The following DSP variants were observed in gnomAD, a reference collection of about 807,000 sequenced individuals.
DSP encodes the protein 250/210 kDa paraneoplastic pemphigus antigen.
A neutral mutation model predicts 290.6 loss-of-function variants in DSP; 114 were observed. The observed-to-expected ratio is 0.39, with a 90% CI of 0.34 to 0.46. The LOEUF (loss-of-function observed/expected upper bound fraction) is 0.46, where lower values mean the gene tolerates loss of function less well. Ranked by LOEUF, DSP falls within the 20% of genes least tolerant of loss-of-function variation. DSP has a pLI of 0.99. For missense variants in DSP, 3,230 were observed against 3,495.8 expected (o/e 0.92, Z 1.92); for synonymous variants, 1,311 against 1,316.4 (o/e 1.00, Z 0.09).
At position 7,575,442 on chromosome 6, in the gene DSP, C is replaced by A. The variant is rs746930044; in HGVS notation, c.2584C>A (p.Gln862Lys). 1 of 1,614,220 alleles carries A rather than the reference C, an allele frequency of 6.2e-7. No homozygotes were observed. The highest frequency in any genetic ancestry group is 8.5e-7 in the Non-Finnish European group (1 of 1,180,030). ...DLGKFGEKVT[Q>K]LTDRWQRIDK... Reference sequence around the variant, plus strand: ...GGGCAAGTTCGGTGAAAAAGTCACACAGCTGACAGACCGCTGGCAAAGGAT... The same window carrying A: ...GGGCAAGTTCGGTGAAAAAGTCACAAAGCTGACAGACCGCTGGCAAAGGAT... Residue 862 changes from glutamine (Q) to lysine (K), a missense_variant, in exon 18 of 24, where the codon CAG becomes AAG. Coordinates refer to ENST00000379802, the MANE Select transcript of DSP (RefSeq NM_004415.4).
chr6:7,570,173 T>C (rs1169963325), intron 12 of DSP, among the ~76,000 whole-genome samples: 1 of 152,204 alleles, frequency 6.6e-6, no homozygotes, highest in Non-Finnish European at 1.5e-5. Flanking sequence ...TAGACCTCTG[T>C]CAATTACAAA....
In DSP at chr6:7,579,387, A is replaced by G. The variant is rs1759343817; in HGVS notation, c.3197A>G (p.Gln1066Arg). 6.2e-7 allele frequency: 1 copy of G among 1,614,190 alleles called. No individual in the cohort carries two copies. Among genetic ancestry groups the G allele is most frequent in the East Asian group, 2.2e-5 (1 of 44,878 alleles). ...CTGGATCAGAACCTGCAGAAATACC[A>G]GGCAGAGTGTTCCCAGTTCAAAGCG... is the stretch of plus-strand genomic sequence containing the variant. ...KFLDQNLQKYQAECSQFKAKL... is the reference protein window; with the variant it reads ...KFLDQNLQKYRAECSQFKAKL... Residue 1066 changes from glutamine to arginine, a missense_variant, in exon 23 of 24, where the codon CAG (glutamine) becomes CGG (arginine). Gln to Arg is a conservative substitution (Grantham distance 43, BLOSUM62 1). This residue lies in a region of DSP where 1,714 missense variants were observed against 1,844.5 expected (regional missense o/e 0.93). Coordinates refer to ENST00000379802, the MANE Select transcript of DSP (RefSeq NM_004415.4). This position sits in a 1 kb window ranked among gnomAD's most constrained non-coding sequence, Gnocchi z 4.1.
chr6:7,569,600 C>T (rs996918390), intron 12 of DSP, among the ~76,000 whole-genome samples: 3 of 152,034 alleles, frequency 2.0e-5, no homozygotes, highest in African/African-American at 4.8e-5. Flanking sequence ...TTGGGGAGAC[C>T]GAGGTGGGCG....
At chr6:7,557,000 T>G (rs183638601) in intron 2 of DSP, among the ~76,000 whole-genome samples, 1 of 152,182 alleles carries the variant, frequency 6.6e-6, no homozygotes, top group East Asian at 1.9e-4. Flanking sequence ...TCTCAGTTTA[T>G]TTTTGCTTAT....
At position 7,557,284 on chromosome 6, in the gene DSP, G is replaced by A. The variant is rs189229347; in HGVS notation, c.274-832G>A. ...CAAAGGGGTCTCTACCCAGCACCCA[G>A]CTTCGCCCAGTAGTGACATCTTATA... On this transcript the variant is annotated intron_variant, in intron 2 of 23. Transcript: ENST00000379802. Among the ~76,000 whole-genome samples the A allele has an allele frequency of 2.2e-4, 33 of 152,346 alleles. No individual in the cohort carries two copies. In the East Asian group the frequency reaches 5.2e-3, roughly 24 times the overall value.
intron 1 of DSP, among the ~76,000 whole-genome samples, chr6:7,542,468 C>A (rs1438528080): frequency 6.6e-6 from 1 of 152,130 alleles, no homozygotes; most frequent in Non-Finnish European, 1.5e-5. Flanking sequence ...CCTCTCCAAC[C>A]GTAATCAAAG....
chr6:7,552,598 A>G (rs1283907477), intron 1 of DSP, among the ~76,000 whole-genome samples: 2 of 151,040 alleles, frequency 1.3e-5, no homozygotes, highest in Non-Finnish European at 2.9e-5. Flanking sequence ...ATGGAAATGG[A>G]AATCCTTTAG....
chr6:7,576,367 C>G lies in DSP; in HGVS notation c.2704C>G (p.Leu902Val), dbSNP rs1443682154. Residue 902 changes from leucine to valine, a missense_variant, in exon 19 of 24, where the codon CTC becomes GTC. By Grantham distance (32) the Leu-to-Val change is conservative. Coordinates refer to ENST00000379802, the MANE Select transcript of DSP (RefSeq NM_004415.4). ...RDNYQAFCKW[L>V]YDAKRRQDSL... ...TAACTATCAGGCTTTCTGCAAGTGGCTCTATGATGCTAAACGCCGCCAGGA... is the reference window on the plus strand; with the variant it reads ...TAACTATCAGGCTTTCTGCAAGTGGGTCTATGATGCTAAACGCCGCCAGGA... 1.2e-6 allele frequency: 2 copies of G among 1,614,122 alleles called. No individual in the cohort carries two copies. Among genetic ancestry groups the G allele is most frequent in the Non-Finnish European group, 8.5e-7 (1 of 1,180,006 alleles).
intron 15 of DSP, among the ~76,000 whole-genome samples, chr6:7,573,118 ATG>A (rs56891607): frequency 1.1e-4 from 16 of 149,926 alleles, no homozygotes; most frequent in South Asian, 4.3e-4. Flanking sequence ...TTAAAAAAAA[ATG>A]TGTGTGTGTG....
intron 10 of DSP, 81 bp from the exon 11 acceptor site, chr6:7,568,356 G>A (rs1758925346): frequency 6.7e-7 from 1 of 1,482,310 alleles, no homozygotes; most frequent in Non-Finnish European, 9.4e-7. Context: ...GTGTCATGTA[G>A]CTACATTAAT....
Position 7,586,113 on chromosome 6 carries a change from G to C in DSP, c.*235G>C. 2.0e-6 allele frequency: 1 copy of C among 504,014 alleles called. No homozygotes were observed. Among genetic ancestry groups the C allele is most frequent in the Non-Finnish European group, 3.5e-6 (1 of 286,808 alleles). 31.2% of individuals were successfully genotyped at this position (504,014 alleles called of 1,614,324 possible). ...TGCAGTGCGTCTGAAGTGCTAATCA[G>C]TTGTAACAATAGCACAAATCGAACT... On this transcript the variant is annotated 3_prime_UTR_variant, in exon 24 of 24. Transcript: ENST00000379802.
chr6:7,561,346 T>G (rs1561682746), intron 4 of DSP, among the ~76,000 whole-genome samples: 1 of 152,148 alleles, frequency 6.6e-6, no homozygotes, highest in South Asian at 2.1e-4. Context: ...TAAAAGCTGT[T>G]TGATTGCTTA....
intron 4 of DSP, 148 bp from the exon 5 acceptor site, chr6:7,562,504 G>A: frequency 7.1e-7 from 1 of 1,417,456 alleles, no homozygotes; most frequent in East Asian, 2.4e-5. Context: ...TAGCCATTTG[G>A]GAACCTTTAA....
intron 10 of DSP, 43 bp downstream of exon 10, chr6:7,567,949 G>T: frequency 6.2e-7 from 1 of 1,609,132 alleles, no homozygotes; most frequent in Non-Finnish European, 8.5e-7. Flanking sequence ...TGCCTGATCA[G>T]GGAGATAAAA....
At position 7,576,176 on chromosome 6, in the gene DSP, T is replaced by C. The variant is rs1429708931; in HGVS notation, c.2631-118T>C. 4 of 1,173,380 alleles carry C rather than the reference T, an allele frequency of 3.4e-6. No individual in the cohort carries two copies. In the East Asian group the frequency reaches 1.0e-4, roughly 30 times the overall value. The allele number at this position is 1,173,380 out of a possible 1,614,324, so 72.7% of individuals were successfully genotyped here. On this transcript the variant is annotated intron_variant, in intron 18 of 23. Transcript: ENST00000379802. ...CTATGAACATTCATGTATAAGTTTTTATGTGGGAATATGATCAGTTTTCTT... is the reference window on the plus strand; with the variant it reads ...CTATGAACATTCATGTATAAGTTTTCATGTGGGAATATGATCAGTTTTCTT...
intron 13 of DSP, 24 bp from the exon 14 acceptor site, chr6:7,571,359 T>A (rs773693271): frequency 1.1e-5 from 17 of 1,614,050 alleles, no homozygotes; most frequent in Non-Finnish European, 1.4e-5. Flanking sequence ...AAATCCCAAA[T>A]CACTTCTGCC....
At chr6:7,551,257 T>C (rs562748249) in intron 1 of DSP, among the ~76,000 whole-genome samples, 30 of 152,098 alleles carry the variant, frequency 2.0e-4, no homozygotes, top group African/African-American at 6.8e-4. Flanking sequence ...TAAAAAAAAA[T>C]CTAAAATTGT....
Position 7,584,358 on chromosome 6 carries a change from C to T in DSP, c.7096C>T (p.Arg2366Cys), listed in dbSNP as rs28931610. The change falls in exon 24 of 24, where the codon CGC becomes TGC. Residue 2366 changes from arginine to cysteine, a missense_variant. Coordinates refer to ENST00000379802, the MANE Select transcript of DSP (RefSeq NM_004415.4). The surrounding 1 kb of genome is among the most constrained non-coding windows in gnomAD (Gnocchi z 6.4). Reference sequence around the variant, plus strand: ...ACTCATCGAAAAGGGCCACGGTATTCGCTTATTAGAAGCACAGATCGCAAC... The same window carrying T: ...ACTCATCGAAAAGGGCCACGGTATTTGCTTATTAGAAGCACAGATCGCAAC... ...KELIEKGHGIRLLEAQIATGG... is the reference protein window; with the variant it reads ...KELIEKGHGICLLEAQIATGG... 9 of 1,614,004 alleles carry T rather than the reference C, an allele frequency of 5.6e-6. No individual in the cohort carries two copies. Among genetic ancestry groups the T allele is most frequent in the Non-Finnish European group, 7.6e-6 (9 of 1,180,022 alleles).
At chr6:7,556,363 C>T (rs1160123402) in intron 2 of DSP, among the ~76,000 whole-genome samples, 1 of 152,166 alleles carries the variant, frequency 6.6e-6, no homozygotes, top group Admixed American at 6.5e-5. Flanking sequence ...AGGATCTCAT[C>T]GAATCCAGAT....
Sources: allele counts gnomAD v4.1 joint callset (sites outside exome capture counted in the v4.1 genomes callset), GRCh38; gene constraint gnomAD v4.1.1; regional missense constraint gnomAD v4.1.1; non-coding constraint Gnocchi (gnomAD v3.1); transcripts MANE v1.5; gene names NCBI Gene and HGNC (gene_info 2026-07-23, HGNC 2026-07-21).